The following ME3 variants were observed in gnomAD, a reference collection of about 807,000 sequenced individuals.
The protein encoded by ME3 is malic enzyme 3.
ME3 carries 48 observed loss-of-function variants against 68.9 expected under a neutral mutation model. The ratio of observed to expected loss-of-function variants is 0.70; its 90% CI spans 0.55 to 0.89. The LOEUF is 0.89. Ranked by LOEUF, ME3 falls within the 40% of genes least tolerant of loss-of-function variation. The pLI, the probability that ME3 is intolerant of heterozygous loss-of-function variation, is 0.00. For synonymous variants in ME3, 320 were observed against 318.8 expected (o/e 1.00, Z -0.04); for missense variants, 675 against 797.4 (o/e 0.85, Z 1.85).
intron 2 of ME3, among the ~76,000 whole-genome samples, chr11:86,661,551 A>C (rs1052165098): frequency 3.9e-5 from 6 of 152,246 alleles, no homozygotes; most frequent in Admixed American, 2.6e-4. Context: ...ATAGAGCTAC[A>C]AAAGCAATGG....
rs997623581 is a variant in ME3 at position 86,517,413 on chromosome 11, G to C, written c.468-8546C>G. Among the ~76,000 whole-genome samples the C allele has an allele frequency of 3.9e-5, 6 of 152,346 alleles. No individual in the cohort carries two copies. In the East Asian group the frequency reaches 9.6e-4, roughly 24 times the overall value. On this transcript the variant is annotated intron_variant, in intron 4 of 14. Transcript: ENST00000543262. Reference sequence around the variant, plus strand: ...CATGGTGCAGAGCACAGAATAAACTGTGCTTTAGGCATTGAGATTTTAGGG... The same window carrying C: ...CATGGTGCAGAGCACAGAATAAACTCTGCTTTAGGCATTGAGATTTTAGGG...
intron 5 of ME3, among the ~76,000 whole-genome samples, chr11:86,505,875 A>G (rs1953038467): frequency 6.6e-6 from 1 of 152,204 alleles, no homozygotes. Context: ...AGGTGGTCCC[A>G]GGCACTCACC....
At chr11:86,567,822 C>T (rs1957568704) in intron 2 of ME3, among the ~76,000 whole-genome samples, 1 of 152,216 alleles carries the variant, frequency 6.6e-6, no homozygotes, top group Non-Finnish European at 1.5e-5. Context: ...ATAGGACAGG[C>T]ACAAGACAGT....
chr11:86,603,602 C>A (rs1330514352), intron 2 of ME3, among the ~76,000 whole-genome samples: 2 of 152,202 alleles, frequency 1.3e-5, no homozygotes, highest in African/African-American at 2.4e-5. Context: ...TGGGTATATA[C>A]CCAAAGGACT....
chr11:86,655,844 A>G (rs1472248711), intron 2 of ME3, among the ~76,000 whole-genome samples: 5 of 152,030 alleles, frequency 3.3e-5, no homozygotes, highest in African/African-American at 1.2e-4. Context: ...TTCGCAACCT[A>G]CTCATCTGAC....
At chr11:86,566,595 A>T (rs924477347) in intron 2 of ME3, among the ~76,000 whole-genome samples, 2 of 146,698 alleles carry the variant, frequency 1.4e-5, no homozygotes, top group African/African-American at 2.5e-5. Flanking sequence ...ATCTTATTCT[A>T]TACTTTCCTT....
chr11:86,670,760 G>C (rs80267875), intron 2 of ME3, among the ~76,000 whole-genome samples: 5,944 of 151,362 alleles, frequency 0.039, 150 homozygotes, highest in Non-Finnish European at 0.06. Flanking sequence ...GAGCAATTAT[G>C]AAAAAAAAAT....
chr11:86,600,538 A>C (rs951907499), intron 2 of ME3, among the ~76,000 whole-genome samples: 4 of 148,714 alleles, frequency 2.7e-5, no homozygotes, highest in Non-Finnish European at 4.4e-5. Context: ...CATTAGACAG[A>C]TGAACGAGAC....
chr11:86,532,213 C>T (rs10444372), intron 4 of ME3, among the ~76,000 whole-genome samples: 36,393 of 151,972 alleles, frequency 0.24, 4,472 homozygotes, highest in African/African-American at 0.27. Context: ...CCTTGGAGAA[C>T]TTAAATATAT....
At chr11:86,479,863 G>A (rs551546218) in intron 7 of ME3, among the ~76,000 whole-genome samples, 3 of 149,892 alleles carry the variant, frequency 2.0e-5, no homozygotes, top group Admixed American at 1.3e-4. Flanking sequence ...CGCCCAGGCT[G>A]GAGTGCAGTG....
At chr11:86,469,913 G>T (rs570890960) in intron 7 of ME3, among the ~76,000 whole-genome samples, 2 of 151,966 alleles carry the variant, frequency 1.3e-5, no homozygotes, top group East Asian at 1.9e-4. Flanking sequence ...ACCTGTGCCT[G>T]GGAGTTCTGG....
At chr11:86,478,477 C>T (rs1951210550) in intron 7 of ME3, among the ~76,000 whole-genome samples, 1 of 152,084 alleles carries the variant, frequency 6.6e-6, no homozygotes, top group Non-Finnish European at 1.5e-5. Context: ...CCAGGCTGGT[C>T]AGAGTAGATT....
intron 2 of ME3, among the ~76,000 whole-genome samples, chr11:86,658,818 A>C (rs1946090360): frequency 6.6e-6 from 1 of 152,110 alleles, no homozygotes; most frequent in Non-Finnish European, 1.5e-5. Context: ...GGAGTGTGAG[A>C]ACAGGGGAAA....
chr11:86,647,707 G>T (rs550168), intron 2 of ME3, among the ~76,000 whole-genome samples: 1 of 151,990 alleles, frequency 6.6e-6, no homozygotes, highest in African/African-American at 2.4e-5. Context: ...GAAGAGCTAA[G>T]TATCCTAAAT....
intron 8 of ME3, among the ~76,000 whole-genome samples, chr11:86,453,719 G>A (rs367605755): frequency 6.6e-6 from 1 of 152,136 alleles, no homozygotes. Context: ...CCTGCATTTT[G>A]GTTTTGCTAA....
chr11:86,603,302 A>G (rs982957744), intron 2 of ME3, among the ~76,000 whole-genome samples: 6 of 152,156 alleles, frequency 3.9e-5, no homozygotes, highest in Non-Finnish European at 5.9e-5. Context: ...ATGAACAGAC[A>G]CTTCTCAAAA....
intron 2 of ME3, among the ~76,000 whole-genome samples, chr11:86,584,111 C>G (rs2139628069): frequency 6.6e-6 from 1 of 152,204 alleles, no homozygotes; most frequent in East Asian, 1.9e-4. Flanking sequence ...ACTCTTACAA[C>G]TCAATGGCAA....
chr11:86,613,299 A>G (rs933199651), intron 2 of ME3, among the ~76,000 whole-genome samples: 1 of 152,146 alleles, frequency 6.6e-6, no homozygotes, highest in Non-Finnish European at 1.5e-5. Context: ...TCAATAAACT[A>G]GGTATTGATG....
At chr11:86,505,258 G>T (rs1442255067) in intron 5 of ME3, among the ~76,000 whole-genome samples, 3 of 151,788 alleles carry the variant, frequency 2.0e-5, no homozygotes, top group African/African-American at 7.3e-5. Context: ...GCACCTAGGG[G>T]TGGGGGGGGA....
Sources: allele counts gnomAD v4.1 joint callset (sites outside exome capture counted in the v4.1 genomes callset), GRCh38; gene constraint gnomAD v4.1.1; transcripts MANE v1.5; gene names NCBI Gene and HGNC (gene_info 2026-07-23, HGNC 2026-07-21).